The following CNTNAP5 variants were observed in gnomAD, a reference collection of about 807,000 sequenced individuals.
The protein encoded by CNTNAP5 is contactin-associated protein-like 5.
CNTNAP5 carries 72 observed loss-of-function variants against 150.2 expected under a neutral mutation model. The ratio of observed to expected loss-of-function variants is 0.48; its 90% CI spans 0.40 to 0.58. The LOEUF (loss-of-function observed/expected upper bound fraction) is 0.58. Among genes scored for constraint, CNTNAP5 ranks in the 20% least tolerant of loss-of-function variants. The pLI is 0.00. For missense variants in CNTNAP5, 1,636 were observed against 1,626.2 expected, an observed-to-expected ratio of 1.01 and a Z score of -0.10; for synonymous variants, 672 against 619.8, an observed-to-expected ratio of 1.08 and a Z score of -1.25.
At chr2:124,596,014 T>G (rs1696820143) in intron 11 of CNTNAP5, among the ~76,000 whole-genome samples, 1 of 103,292 alleles carries the variant, frequency 9.7e-6, no homozygotes, top group Non-Finnish European at 1.9e-5. Flanking sequence ...TTGTGTCTAT[T>G]TGATTCTTCT....
intron 11 of CNTNAP5, among the ~76,000 whole-genome samples, chr2:124,588,188 CTTTCTT>C (rs1696593772): frequency 1.1e-5 from 1 of 94,366 alleles, no homozygotes; most frequent in Non-Finnish European, 2.4e-5. Context: ...TTCTTTCTTT[CTTTCTT>C]TCTTTCTTTC....
chr2:124,653,649 G>A (rs1337323892), intron 13 of CNTNAP5, among the ~76,000 whole-genome samples: 3 of 148,232 alleles, frequency 2.0e-5, no homozygotes, highest in Non-Finnish European at 4.4e-5. Flanking sequence ...GAATTGTGAT[G>A]TAGAAAAGTC....
chr2:124,182,003 G>A (rs1338323718), intron 1 of CNTNAP5, among the ~76,000 whole-genome samples: 2 of 152,164 alleles, frequency 1.3e-5, no homozygotes, highest in Non-Finnish European at 2.9e-5. Context: ...ATTCCAAAAT[G>A]TATTAGACAT....
chr2:124,036,116 G>A (rs1001112618), intron 1 of CNTNAP5, among the ~76,000 whole-genome samples: 1 of 149,972 alleles, frequency 6.7e-6, no homozygotes, highest in Admixed American at 6.7e-5. Flanking sequence ...AGTAGAGACG[G>A]GGTTTCACCT....
At chr2:124,681,168 G>T (rs866428869) in intron 13 of CNTNAP5, among the ~76,000 whole-genome samples, 5 of 149,704 alleles carry the variant, frequency 3.3e-5, no homozygotes, top group African/African-American at 9.7e-5. Context: ...CGGGCATGGT[G>T]GTGGGCGCCT....
At chr2:124,047,578 T>C (rs757438167) in intron 1 of CNTNAP5, among the ~76,000 whole-genome samples, 4 of 152,202 alleles carry the variant, frequency 2.6e-5, no homozygotes, top group Non-Finnish European at 5.9e-5. Context: ...AATCAAGTAG[T>C]AAGGCTGCAG....
At chr2:124,788,978 A>T (rs541465260) in intron 17 of CNTNAP5, among the ~76,000 whole-genome samples, 5 of 152,034 alleles carry the variant, frequency 3.3e-5, no homozygotes, top group Non-Finnish European at 7.4e-5. Flanking sequence ...CACACAATAG[A>T]TTGATTTTTA....
At chr2:124,540,942 C>T (rs997701612) in intron 10 of CNTNAP5, among the ~76,000 whole-genome samples, 3 of 152,060 alleles carry the variant, frequency 2.0e-5, no homozygotes, top group African/African-American at 7.2e-5. Flanking sequence ...CTTTATACTG[C>T]AGAGGGGGCA....
chr2:124,047,922 C>G (rs776429853), intron 1 of CNTNAP5, among the ~76,000 whole-genome samples: 2 of 152,182 alleles, frequency 1.3e-5, no homozygotes, highest in African/African-American at 2.4e-5. Context: ...TGTCTTTATA[C>G]TGCTCCTCTA....
intron 13 of CNTNAP5, among the ~76,000 whole-genome samples, chr2:124,740,423 G>A (rs548192488): frequency 7.9e-5 from 12 of 152,236 alleles, no homozygotes; most frequent in African/African-American, 2.2e-4. Flanking sequence ...GCCAAGCACC[G>A]TGTTTGAAGG....
intron 1 of CNTNAP5, among the ~76,000 whole-genome samples, chr2:124,146,804 G>A (rs138952762): frequency 8.5e-5 from 13 of 152,230 alleles, no homozygotes; most frequent in African/African-American, 2.9e-4. Flanking sequence ...CAGAAAGGAA[G>A]ACATTTTAAG....
At chr2:124,159,592 C>G (rs1684627008) in intron 1 of CNTNAP5, among the ~76,000 whole-genome samples, 1 of 152,180 alleles carries the variant, frequency 6.6e-6, no homozygotes, top group Non-Finnish European at 1.5e-5. Context: ...TTTAACCTTA[C>G]TAGGTCTTAG....
intron 7 of CNTNAP5, among the ~76,000 whole-genome samples, chr2:124,477,469 T>A (rs965268271): frequency 6.6e-6 from 1 of 152,206 alleles, no homozygotes; most frequent in Non-Finnish European, 1.5e-5. Flanking sequence ...AGTCCCTGAC[T>A]CCTTCGGTTT....
chr2:124,795,149 G>C (rs545614718), intron 18 of CNTNAP5, among the ~76,000 whole-genome samples: 114 of 152,154 alleles, frequency 7.5e-4, no homozygotes, highest in Non-Finnish European at 1.0e-3. Flanking sequence ...GTGCTTTTAC[G>C]TACTTTCTTC....
chr2:124,655,945 G>GAGAGAGAGAGAA (rs1553427800), intron 13 of CNTNAP5, among the ~76,000 whole-genome samples: 1 of 55,520 alleles, frequency 1.8e-5, no homozygotes, highest in African/African-American at 7.5e-5. Flanking sequence ...GAGAGAGAGA[G>GAGAGAGAGAGAA]AGAAAGAAAG....
chr2:124,903,383 T>C (rs1021503936), intron 22 of CNTNAP5, among the ~76,000 whole-genome samples: 1 of 152,174 alleles, frequency 6.6e-6, no homozygotes, highest in Non-Finnish European at 1.5e-5. Flanking sequence ...TGTGTTTGTA[T>C]ACATAGTCAC....
At chr2:124,053,837 C>T (rs1681774570) in intron 1 of CNTNAP5, among the ~76,000 whole-genome samples, 1 of 152,092 alleles carries the variant, frequency 6.6e-6, no homozygotes. Flanking sequence ...CATATCTCTA[C>T]TCAATGTAAA....
chr2:124,711,418 A>G (rs1475844520), intron 13 of CNTNAP5, among the ~76,000 whole-genome samples: 2 of 152,146 alleles, frequency 1.3e-5, no homozygotes, highest in Non-Finnish European at 2.9e-5. Context: ...TGCTACTTCC[A>G]TAATAGACTT....
rs533418458 is a variant in CNTNAP5 at position 124,537,254 on chromosome 2, A to T, written c.1649+9798A>T. On this transcript the variant is annotated intron_variant, in intron 10 of 23. Transcript: ENST00000682447. The stretch of plus-strand genomic sequence containing the variant: ...ATTAGGCCTGTCCTGGCACTGTGGT[A>T]CTTCTAACCCTGCTGTGGGAAGGTG... Among the ~76,000 whole-genome samples, 10 of 152,268 alleles carry T rather than the reference A, an allele frequency of 6.6e-5. No individual in the cohort carries two copies. The South Asian group carries it at 2.1e-3, about 32-fold the overall frequency.
Sources: allele counts gnomAD v4.1 joint callset (sites outside exome capture counted in the v4.1 genomes callset), GRCh38; gene constraint gnomAD v4.1.1; transcripts MANE v1.5; gene names NCBI Gene and HGNC (gene_info 2026-07-23, HGNC 2026-07-21).